Variants in TRIP12 observed in about 807,000 individuals in gnomAD.
TRIP12 encodes the protein E3 ubiquitin-protein ligase TRIP12.
Under a neutral mutation model 244.2 loss-of-function variants are expected in TRIP12, and 25 were observed. The ratio of observed to expected loss-of-function variants is 0.10; its 90% CI spans 0.07 to 0.14. The LOEUF (loss-of-function observed/expected upper bound fraction) is 0.14, where lower values mean the gene tolerates loss of function less well. TRIP12 is among the 10% of genes least tolerant of loss of function. TRIP12 has a pLI of 1.00. For synonymous variants in TRIP12, 905 were observed against 873.1 expected (o/e 1.04, Z -0.64); for missense variants, 1,677 against 2,486.4 (o/e 0.67, Z 6.92).
chr2:229,863,149 A>C (rs1000714723), intron 2 of TRIP12, among the ~76,000 whole-genome samples: 1 of 151,708 alleles, frequency 6.6e-6, no homozygotes, highest in Admixed American at 6.6e-5. Flanking sequence ...GAATTGCTTG[A>C]ACCCAGGAGG....
At chr2:229,807,988 C>CA (rs781455090) in intron 16 of TRIP12, 124 bp from the exon 17 acceptor site, 10 of 1,046,364 alleles carry the variant, frequency 9.6e-6, no homozygotes, top group Admixed American at 8.0e-5. Flanking sequence ...TTTTTGGAGA[C>CA]AGAGTCTCAC....
intron 34 of TRIP12, among the ~76,000 whole-genome samples, chr2:229,784,783 T>C (rs2039457010): frequency 1.3e-5 from 2 of 152,142 alleles, no homozygotes; most frequent in Non-Finnish European, 2.9e-5. Context: ...GTGTTGTGAG[T>C]ATGAGAAGCA....
chr2:229,834,518 G>A (rs2054261921), intron 6 of TRIP12, among the ~76,000 whole-genome samples: 1 of 152,188 alleles, frequency 6.6e-6, no homozygotes, highest in Non-Finnish European at 1.5e-5. Context: ...CCAGCACTTT[G>A]GGAGGCCAAG....
intron 1 of TRIP12, among the ~76,000 whole-genome samples, chr2:229,906,458 AC>A (rs748082628): frequency 2.0e-4 from 31 of 151,956 alleles, no homozygotes; most frequent in Non-Finnish European, 3.5e-4. Context: ...TCAGTGGCTC[AC>A]AACTGTAATC....
chr2:229,807,996 C>G, intron 16 of TRIP12, 132 bp from the exon 17 acceptor site: 9 of 975,422 alleles, frequency 9.2e-6, no homozygotes, highest in African/African-American at 1.6e-5. Context: ...GACAGAGTCT[C>G]ACTCTGTCGC....
chr2:229,898,483 T>C lies in TRIP12; in HGVS notation c.-49-18355A>G, dbSNP rs115376296. Among the ~76,000 whole-genome samples, 1,163 of 152,336 alleles carry C rather than the reference T, an allele frequency of 7.6e-3. 12 individuals are homozygous for C. Among genetic ancestry groups the C allele is most frequent in the Middle Eastern group, 0.017 (5 of 294 alleles). Reference sequence around the variant, plus strand: ...GTAAGACGCAAAGGAAATTCATCTATGCTCAAGCGTCTAAGGATTAGAATT... The same window carrying C: ...GTAAGACGCAAAGGAAATTCATCTACGCTCAAGCGTCTAAGGATTAGAATT... On this transcript the variant is annotated intron_variant, in intron 1 of 41. Transcript: ENST00000675903.
At chr2:229,826,226 C>T (rs919965294) in intron 8 of TRIP12, among the ~76,000 whole-genome samples, 2 of 151,894 alleles carry the variant, frequency 1.3e-5, no homozygotes, top group African/African-American at 4.8e-5. Context: ...ATTTTGTAAC[C>T]CCTATTACAT....
chr2:229,823,165 C>A (rs1559647994), intron 8 of TRIP12, among the ~76,000 whole-genome samples: 1 of 152,078 alleles, frequency 6.6e-6, no homozygotes, highest in Non-Finnish European at 1.5e-5. Context: ...AGAAACAATA[C>A]TAGAAGAAAT....
rs1335383217 is a variant in TRIP12, at chr2:229,786,137, C to G, written c.4996-282G>C. Among the ~76,000 whole-genome samples, 3 of 152,160 alleles carry G rather than the reference C, an allele frequency of 2.0e-5. No individual in the cohort carries two copies. In the East Asian group the frequency reaches 5.8e-4, roughly 29 times the overall value. ...TCAAGTTGGGGAAGAAAAAAATCGT[C>G]TTTGCCAAATATCAGTGCAATTCTC... On this transcript the variant is annotated intron_variant, in intron 33 of 41. Coordinates refer to ENST00000675903, the MANE Select transcript of TRIP12 (RefSeq NM_001348323.3).
chr2:229,844,479 T>A (rs958686750), intron 4 of TRIP12, among the ~76,000 whole-genome samples: 1 of 152,238 alleles, frequency 6.6e-6, no homozygotes, highest in Non-Finnish European at 1.5e-5. Context: ...TCTTACATGA[T>A]CTATGTTAAA....
chr2:229,791,120 T>A lies in TRIP12; in HGVS notation c.4543+4A>T. ...TCCATTTTCCCCTTTATCTACCATC[T>A]TACCGTGCCATAACTCATCATGCTT... On this transcript the variant is annotated splice_donor_region_variant and intron_variant, in intron 30 of 41. Coordinates refer to ENST00000675903, the MANE Select transcript of TRIP12 (RefSeq NM_001348323.3). 6.2e-7 allele frequency: 1 copy of A among 1,614,110 alleles called. No homozygotes were observed. The highest frequency in any genetic ancestry group is 8.5e-7 in the Non-Finnish European group (1 of 1,179,956).
intron 34 of TRIP12, among the ~76,000 whole-genome samples, chr2:229,783,115 C>T (rs2038816767): frequency 6.6e-6 from 1 of 152,202 alleles, no homozygotes; most frequent in Non-Finnish European, 1.5e-5. Context: ...ACAGCTCCAG[C>T]CCCAGGGTCT....
At chr2:229,777,720 G>GA (rs989705869) in intron 36 of TRIP12, among the ~76,000 whole-genome samples, 2 of 152,108 alleles carry the variant, frequency 1.3e-5, no homozygotes, top group Non-Finnish European at 2.9e-5. Context: ...AATGTTAAGG[G>GA]AAAAAACTTA....
intron 8 of TRIP12, among the ~76,000 whole-genome samples, chr2:229,820,325 C>T (rs1444383918): frequency 6.6e-6 from 1 of 152,020 alleles, no homozygotes; most frequent in African/African-American, 2.4e-5. Context: ...ACCAATAAAA[C>T]ATCTGGGATG....
intron 1 of TRIP12, among the ~76,000 whole-genome samples, chr2:229,890,527 G>A (rs1004110973): frequency 1.3e-5 from 2 of 152,154 alleles, no homozygotes; most frequent in African/African-American, 4.8e-5. Context: ...TATGTAGCCT[G>A]TCATCAATAG....
chr2:229,794,525 T>C (rs1233607090), intron 26 of TRIP12, among the ~76,000 whole-genome samples: 1 of 152,022 alleles, frequency 6.6e-6, no homozygotes, highest in Non-Finnish European at 1.5e-5. Flanking sequence ...ATGTTCACAC[T>C]AGTGTAATTT....
chr2:229,767,989 C>T (rs771802040), intron 41 of TRIP12, among the ~76,000 whole-genome samples: 6 of 152,124 alleles, frequency 3.9e-5, no homozygotes, highest in Non-Finnish European at 7.4e-5. Flanking sequence ...ATGGAATACC[C>T]ACAGTGGTTC....
chr2:229,807,599 T>G, intron 17 of TRIP12, 109 bp downstream of exon 17: 1 of 1,352,600 alleles, frequency 7.4e-7, no homozygotes. Context: ...AATCTTGAGT[T>G]AATTCAAAAT....
In TRIP12 at chr2:229,764,247, G is replaced by A. The variant is rs2031146628; in HGVS notation, c.*3307C>T. ...AAGCATCTTCAGTGATTTGTCACTA[G>A]GTTATCCTTTACCGTGTATGTCAAC... On this transcript the variant is annotated 3_prime_UTR_variant, in exon 42 of 42. Transcript: ENST00000675903. 1 of 151,980 alleles carries A rather than the reference G, an allele frequency of 6.6e-6. No individual in the cohort carries two copies. The highest frequency in any genetic ancestry group is 6.6e-5 in the Admixed American group (1 of 15,256). 9.4% of individuals were successfully genotyped at this position (151,980 alleles called of 1,614,324 possible).
Sources: gnomAD v4.1 joint callset for allele counts (sites outside exome capture counted in the v4.1 genomes callset) on GRCh38, gnomAD v4.1.1 for gene constraint, MANE v1.5 for transcripts, NCBI Gene and HGNC (gene_info 2026-07-23, HGNC 2026-07-21) for gene names.